ARID1B: variants seen among roughly 807,000 people sequenced by gnomAD.
ARID1B encodes AT-rich interaction domain 1B, also known as AT-rich interactive domain-containing protein 1B.
ARID1B carries 30 observed loss-of-function variants against 212.3 expected under a neutral mutation model. The ratio of observed to expected loss-of-function variants is 0.14; its 90% CI spans 0.11 to 0.19. ARID1B has a LOEUF of 0.19. Ranked by LOEUF, ARID1B falls within the 10% of genes least tolerant of loss-of-function variation. The pLI is 1.00. For synonymous variants in ARID1B, 1,402 were observed against 1,301.7 expected, an observed-to-expected ratio of 1.08 and a Z score of -1.66; for missense variants, 2,891 against 3,204.0, an observed-to-expected ratio of 0.90 and a Z score of 2.36.
intron 1 of ARID1B, among the ~76,000 whole-genome samples, chr6:156,825,351 A>G (rs1319709213): frequency 1.3e-5 from 2 of 152,224 alleles, no homozygotes; most frequent in Non-Finnish European, 2.9e-5. Flanking sequence ...CTGTTTTTCT[A>G]TCTGAAGTCT....
intron 8 of ARID1B, among the ~76,000 whole-genome samples, chr6:157,160,697 A>T (rs150889029): frequency 0.011 from 1,641 of 152,312 alleles, 22 homozygotes; most frequent in African/African-American, 0.037. Flanking sequence ...GAGAACCATA[A>T]GCCTGGCCCC....
At chr6:157,120,258 C>T (rs1352443651) in intron 6 of ARID1B, among the ~76,000 whole-genome samples, 2 of 152,186 alleles carry the variant, frequency 1.3e-5, no homozygotes, top group East Asian at 1.9e-4. Context: ...TCTGACCCCT[C>T]CCCGGACTCT....
intron 5 of ARID1B, among the ~76,000 whole-genome samples, chr6:157,106,691 A>G (rs1375478989): frequency 2.0e-5 from 3 of 152,168 alleles, no homozygotes; most frequent in Non-Finnish European, 4.4e-5. Flanking sequence ...CTTTCTTCAC[A>G]TTCTTTGGAT....
At position 156,913,217 on chromosome 6, in the gene ARID1B, C is replaced by CTTTTTTT. The variant is rs372967890; in HGVS notation, c.2136+11703_2136+11709dup. Reference sequence around the variant, plus strand: ...ACATCCACTCAACATTTTTCTTTTTCTTTTTTTTTTTTTTTTTGAGACAGA... The same window carrying CTTTTTTT: ...ACATCCACTCAACATTTTTCTTTTTCTTTTTTTTTTTTTTTTTTTTTTTTGAGACAGA... On this transcript the variant is annotated intron_variant, in intron 3 of 19. Coordinates refer to ENST00000636930, the MANE Select transcript of ARID1B (RefSeq NM_001374828.1). Among the ~76,000 whole-genome samples, 111 of 128,926 alleles carry CTTTTTTT rather than the reference C, an allele frequency of 8.6e-4. 1 individual carries two copies. The highest frequency in any genetic ancestry group is 1.1e-3 in the African/African-American group (36 of 33,916). 84.6% of individuals were successfully genotyped at this position (128,926 alleles called of 152,430 possible). A position where few individuals can be genotyped will look rare whatever the true frequency, so the allele number is the denominator to read the frequency against.
chr6:156,820,743 G>A (rs1223783747), intron 1 of ARID1B, among the ~76,000 whole-genome samples: 1 of 152,114 alleles, frequency 6.6e-6, no homozygotes, highest in Non-Finnish European at 1.5e-5. Flanking sequence ...CCCAAATTAT[G>A]TTTCTAAACT....
chr6:157,070,435 C>G (rs1314502163), intron 4 of ARID1B, among the ~76,000 whole-genome samples: 3 of 152,116 alleles, frequency 2.0e-5, no homozygotes, highest in African/African-American at 7.2e-5. Flanking sequence ...AGTTAAAAAT[C>G]TTCAATAAAA....
chr6:156,810,089 A>T (rs151020905), intron 1 of ARID1B, among the ~76,000 whole-genome samples: 13 of 152,328 alleles, frequency 8.5e-5, no homozygotes, highest in African/African-American at 2.9e-4. Flanking sequence ...GGGAAAAATA[A>T]CTATTGAAAA....
At chr6:156,897,126 G>C (rs1788469425) in intron 2 of ARID1B, among the ~76,000 whole-genome samples, 1 of 151,950 alleles carries the variant, frequency 6.6e-6, no homozygotes, top group Non-Finnish European at 1.5e-5. Flanking sequence ...TGTTGTGTGT[G>C]TTCATGTCTT....
intron 4 of ARID1B, among the ~76,000 whole-genome samples, chr6:157,025,134 C>T (rs1248088628): frequency 1.3e-5 from 2 of 152,204 alleles, no homozygotes; most frequent in East Asian, 1.9e-4. Context: ...CTTTGACCTC[C>T]TCCATAAGAA....
At chr6:156,904,361 A>G (rs923495467) in intron 3 of ARID1B, among the ~76,000 whole-genome samples, 1 of 152,234 alleles carries the variant, frequency 6.6e-6, no homozygotes, top group Non-Finnish European at 1.5e-5. Context: ...TTTTATGGAC[A>G]TACCATGATA....
chr6:156,838,709 T>TATAATAATAATAATAATAATAATAATA (rs35310749), intron 2 of ARID1B, among the ~76,000 whole-genome samples: 6 of 145,862 alleles, frequency 4.1e-5, no homozygotes, highest in East Asian at 3.9e-4. Context: ...GAACTTAAAG[T>TATAATAATAATAATAATAATAATAATA]ATAATAATAA....
At chr6:156,929,956 C>A (rs1791566170) in intron 3 of ARID1B, among the ~76,000 whole-genome samples, 1 of 152,036 alleles carries the variant, frequency 6.6e-6, no homozygotes, top group Non-Finnish European at 1.5e-5. Flanking sequence ...CCCACTCATC[C>A]CCTGCTCTGG....
chr6:157,022,665 G>A (rs1780393237), intron 4 of ARID1B: 1 of 152,210 alleles, frequency 6.6e-6, no homozygotes, highest in Non-Finnish European at 1.5e-5. Context: ...GGCCACTTTG[G>A]TTTTACACTT....
chr6:156,939,095 TGTTTA>T (rs1386444493), intron 4 of ARID1B: 2 of 152,244 alleles, frequency 1.3e-5, no homozygotes, highest in African/African-American at 4.8e-5. Flanking sequence ...AGCATTTCCC[TGTTTA>T]GTTGTATTAG....
intron 4 of ARID1B, chr6:157,071,156 A>T (rs1196810599): frequency 6.6e-6 from 1 of 152,182 alleles, no homozygotes; most frequent in East Asian, 1.9e-4. Context: ...TTTTATCCTT[A>T]GTACAATGTC....
chr6:157,087,258 C>T (rs147696315), intron 5 of ARID1B, among the ~76,000 whole-genome samples: 9 of 152,250 alleles, frequency 5.9e-5, no homozygotes, highest in Admixed American at 5.9e-4. Flanking sequence ...ACAAATAGAA[C>T]ATTTCTTAGT....
intron 4 of ARID1B, among the ~76,000 whole-genome samples, chr6:157,068,870 G>C (rs550805815): frequency 1.3e-5 from 2 of 152,328 alleles, no homozygotes; most frequent in East Asian, 1.9e-4. Context: ...AATGTAGTCT[G>C]TGTTTGTAGA....
chr6:157,189,996 T>G, intron 14 of ARID1B, 42 bp from the exon 15 acceptor site: 1 of 1,606,612 alleles, frequency 6.2e-7, no homozygotes. Context: ...TGGAGGTAAC[T>G]CCTGCTGTAT....
At chr6:156,801,273 T>C (rs1780768921) in intron 1 of ARID1B, among the ~76,000 whole-genome samples, 1 of 148,632 alleles carries the variant, frequency 6.7e-6, no homozygotes, top group Admixed American at 6.8e-5. Flanking sequence ...CAATCTCGGC[T>C]CACTGCAACC....
Sources: allele counts gnomAD v4.1 joint callset (sites outside exome capture counted in the v4.1 genomes callset), GRCh38; gene constraint gnomAD v4.1.1; transcripts MANE v1.5; gene names NCBI Gene and HGNC (gene_info 2026-07-23, HGNC 2026-07-21).